The following VWA3B variants were observed in gnomAD, a reference collection of about 807,000 sequenced individuals.
VWA3B encodes von Willebrand factor A domain containing 3B.
VWA3B carries 138 observed loss-of-function variants against 158.3 expected under a neutral mutation model. That is an observed-to-expected ratio of 0.87 (90% CI 0.76 to 1.00). The LOEUF (loss-of-function observed/expected upper bound fraction) is 1.00, where lower values mean the gene tolerates loss of function less well. Ranked by LOEUF, VWA3B falls within the 50% of genes least tolerant of loss-of-function variation. The pLI is 0.00. For synonymous variants in VWA3B, 596 were observed against 587.3 expected, an observed-to-expected ratio of 1.01 and a Z score of -0.21; for missense variants, 1,555 against 1,565.1, an observed-to-expected ratio of 0.99 and a Z score of 0.11.
Position 98,187,977 on chromosome 2 carries a change from G to A in VWA3B, c.1314G>A (p.Glu438=). 6.2e-7 allele frequency: 1 copy of A among 1,610,482 alleles called. No individual in the cohort carries two copies. Among genetic ancestry groups the A allele is most frequent in the African/African-American group, 1.3e-5 (1 of 74,932 alleles). Residue 438 remains glutamate, a splice_region_variant and synonymous_variant, in exon 10 of 28, where the codon GAG becomes GAA. Transcript: ENST00000477737. Reference sequence around the variant, plus strand: ...TCTGTCCTTTGTCATCTCCTTAGGAGACGAACAAGAAGACAGTCCATGCAA... The same window carrying A: ...TCTGTCCTTTGTCATCTCCTTAGGAAACGAACAAGAAGACAGTCCATGCAA... The part of the protein sequence containing the change: ...PENESVQTSA[E]TNKKTVHAKY...
intron 7 of VWA3B, among the ~76,000 whole-genome samples, chr2:98,141,545 G>T (rs1676781462): frequency 6.6e-6 from 1 of 152,010 alleles, no homozygotes; most frequent in African/African-American, 2.4e-5. Flanking sequence ...GGAGGGATCT[G>T]CCCTTGTCAC....
intron 7 of VWA3B, among the ~76,000 whole-genome samples, chr2:98,160,789 A>G (rs1678510286): frequency 6.6e-6 from 1 of 152,200 alleles, no homozygotes; most frequent in Admixed American, 6.5e-5. Context: ...GGAGCTCAGG[A>G]CACATCAGAT....
chr2:98,301,261 G>A (rs965470825), intron 25 of VWA3B, among the ~76,000 whole-genome samples: 3 of 151,348 alleles, frequency 2.0e-5, no homozygotes, highest in Non-Finnish European at 4.4e-5. Flanking sequence ...CTGCACTCCA[G>A]CCTGGGCGAC....
At chr2:98,213,935 A>G in intron 13 of VWA3B, among the ~76,000 whole-genome samples, 1 of 152,172 alleles carries the variant, frequency 6.6e-6, no homozygotes, top group Non-Finnish European at 1.5e-5. Flanking sequence ...CCACTCCTGT[A>G]ATCTCAACAC....
intron 8 of VWA3B, among the ~76,000 whole-genome samples, chr2:98,177,692 A>G (rs963715884): frequency 2.0e-5 from 3 of 151,628 alleles, no homozygotes; most frequent in African/African-American, 7.3e-5. Context: ...CCCTTTTCAG[A>G]TGGTAATTGG....
chr2:98,121,348 G>C lies in VWA3B; in HGVS notation c.592G>C (p.Glu198Gln). ...GCAGGAAAATGCTACTCCTGTGACC[G>C]AACAGTCCATAGCTACTGCCATCAG... The part of the protein sequence containing the change: ...KWQENATPVT[E>Q]QSIATAISWV... Residue 198 changes from glutamate (E) to glutamine (Q), a missense_variant, in exon 5 of 28, where the codon GAA (glutamate) becomes CAA (glutamine). Coordinates refer to ENST00000477737, the MANE Select transcript of VWA3B (RefSeq NM_144992.5). 6.2e-7 allele frequency: 1 copy of C among 1,614,068 alleles called. No individual in the cohort carries two copies. Among genetic ancestry groups the C allele is most frequent in the Non-Finnish European group, 8.5e-7 (1 of 1,179,956 alleles).
intron 14 of VWA3B, among the ~76,000 whole-genome samples, chr2:98,220,212 A>T (rs1427352037): frequency 6.6e-6 from 1 of 151,616 alleles, no homozygotes; most frequent in Non-Finnish European, 1.5e-5. Flanking sequence ...AAAAGAATTC[A>T]TCACCAACAA....
At position 98,128,296 on chromosome 2, in the gene VWA3B, C is replaced by T. The variant is rs1675544479; in HGVS notation, c.760C>T (p.Leu254Phe). 4 of 1,614,196 alleles carry T rather than the reference C, an allele frequency of 2.5e-6. No individual in the cohort carries two copies. Among genetic ancestry groups the T allele is most frequent in the Middle Eastern group, 3.3e-4 (2 of 6,060 alleles). The change falls in exon 6 of 28, where the codon CTC becomes TTC. Residue 254 changes from leucine (L) to phenylalanine (F), a missense_variant. Coordinates refer to ENST00000477737, the MANE Select transcript of VWA3B (RefSeq NM_144992.5). ...GDVPEESKELLLQRALEIPCP... is the reference protein window; with the variant it reads ...GDVPEESKELFLQRALEIPCP... ...TGTTCCTGAAGAATCCAAGGAGCTTCTCCTCCAGAGGGCCTTGGAGATCCC... is the reference window on the plus strand; with the variant it reads ...TGTTCCTGAAGAATCCAAGGAGCTTTTCCTCCAGAGGGCCTTGGAGATCCC...
intron 8 of VWA3B, among the ~76,000 whole-genome samples, chr2:98,168,376 T>TACACACACACACACACACACAC (rs148619678): frequency 2.1e-5 from 3 of 145,520 alleles, no homozygotes; most frequent in African/African-American, 7.7e-5. Flanking sequence ...TACACACACA[T>TACACACACACACACACACACAC]ACACACACAC....
At chr2:98,153,794 A>G (rs1573923052) in intron 7 of VWA3B, among the ~76,000 whole-genome samples, 2 of 152,328 alleles carry the variant, frequency 1.3e-5, no homozygotes, top group South Asian at 4.1e-4. Flanking sequence ...GCAACTGACA[A>G]GGCTGAGAGA....
rs749062743 is a variant in VWA3B, at chr2:98,217,856, C to T, written c.1847C>T (p.Thr616Ile). The part of the protein sequence containing the change: ...TDGRPDQPPE[T>I]VIDQVKRFQE... ...AACTTATCGTTTCAGCCACCTGAAA[C>T]AGTTATAGACCAGGTCAAACGTTTT... The change falls in exon 14 of 28, where the codon ACA becomes ATA. Residue 616 changes from threonine to isoleucine, a missense_variant. Physicochemically the swap from Thr to Ile is moderately conservative, Grantham distance 89. Coordinates refer to ENST00000477737, the MANE Select transcript of VWA3B (RefSeq NM_144992.5). 2 of 1,586,168 alleles carry T rather than the reference C, an allele frequency of 1.3e-6. No homozygotes were observed. The highest frequency in any genetic ancestry group is 2.3e-5 in the South Asian group (2 of 86,620).
rs369116049 is a variant in VWA3B at position 98,246,020 on chromosome 2, A to C, written c.2674-4298A>C. On this transcript the variant is annotated intron_variant, in intron 19 of 27. Coordinates refer to ENST00000477737, the MANE Select transcript of VWA3B (RefSeq NM_144992.5). ...GTTAAGTAGCAAGATTGGACTGTTC[A>C]GTTTCTTAACTTTCTTTCTCTTCAG... is the stretch of plus-strand genomic sequence containing the variant. 3.3e-4 allele frequency among the ~76,000 whole-genome samples: 50 copies of C among 152,258 alleles called. No individual in the cohort carries two copies. The East Asian group carries it at 5.2e-3, about 16-fold the overall frequency.
At chr2:98,205,875 T>C (rs1682974035) in intron 12 of VWA3B, among the ~76,000 whole-genome samples, 1 of 152,242 alleles carries the variant, frequency 6.6e-6, no homozygotes, top group Non-Finnish European at 1.5e-5. Context: ...GATTCCACTA[T>C]AGTCAGAGGG....
intron 6 of VWA3B, among the ~76,000 whole-genome samples, chr2:98,131,378 C>T (rs1467149852): frequency 2.0e-5 from 3 of 152,172 alleles, no homozygotes; most frequent in Non-Finnish European, 4.4e-5. Flanking sequence ...GATTCCGTAT[C>T]TTGGCTATTG....
chr2:98,299,889 A>G (rs1353681537), intron 24 of VWA3B, among the ~76,000 whole-genome samples, 190 bp from the exon 25 acceptor site: 1 of 152,228 alleles, frequency 6.6e-6, no homozygotes, highest in Non-Finnish European at 1.5e-5. Flanking sequence ...CAAACTGATC[A>G]CAAAATTCCA....
intron 16 of VWA3B, among the ~76,000 whole-genome samples, chr2:98,233,653 A>T (rs1027321270): frequency 6.6e-6 from 1 of 151,970 alleles, no homozygotes; most frequent in African/African-American, 2.4e-5. Flanking sequence ...CGTATAGCAC[A>T]CTCCTTCTCT....
At chr2:98,192,558 C>T (rs1057021148) in intron 10 of VWA3B, among the ~76,000 whole-genome samples, 1 of 152,178 alleles carries the variant, frequency 6.6e-6, no homozygotes, top group Non-Finnish European at 1.5e-5. Flanking sequence ...TCAGTTAAGG[C>T]AGGAACCAGC....
At chr2:98,094,304 T>TA (rs1212376630) in intron 2 of VWA3B, among the ~76,000 whole-genome samples, 4 of 152,198 alleles carry the variant, frequency 2.6e-5, no homozygotes, top group Admixed American at 6.5e-5. Context: ...TGCCAACACT[T>TA]ATCTTTTTGA....
At chr2:98,100,981 T>G (rs1683038189) in intron 2 of VWA3B, among the ~76,000 whole-genome samples, 1 of 152,234 alleles carries the variant, frequency 6.6e-6, no homozygotes, top group Non-Finnish European at 1.5e-5. Flanking sequence ...TTTGCCATCT[T>G]GCTCTGCCTT....
Sources: allele counts gnomAD v4.1 joint callset (sites outside exome capture counted in the v4.1 genomes callset), GRCh38; gene constraint gnomAD v4.1.1; transcripts MANE v1.5; gene names NCBI Gene and HGNC (gene_info 2026-07-23, HGNC 2026-07-21).